NRXN2: variants seen among roughly 807,000 people sequenced by gnomAD.
NRXN2 encodes the protein neurexin 2, also known as neurexin-2-beta.
Under a neutral mutation model 128.8 loss-of-function variants are expected in NRXN2, and 29 were observed. The observed-to-expected ratio is 0.23, with a 90% CI of 0.17 to 0.31. The LOEUF is 0.31. Among genes scored for constraint, NRXN2 ranks in the 10% least tolerant of loss-of-function variants. NRXN2 has a pLI of 1.00. For synonymous variants in NRXN2, 1,098 were observed against 1,075.2 expected, an observed-to-expected ratio of 1.02 and a Z score of -0.41; for missense variants, 1,881 against 2,452.6, an observed-to-expected ratio of 0.77 and a Z score of 4.92.
intron 5 of NRXN2, chr11:64,688,609 G>A: frequency 1.0e-6 from 1 of 985,372 alleles, no homozygotes; most frequent in Non-Finnish European, 1.2e-6. Context: ...TGGCGCGACT[G>A]GGAACTACAA....
In NRXN2 at chr11:64,622,656, G is replaced by T; in HGVS notation, c.4173+97C>A. On this transcript the variant is annotated intron_variant, in intron 21 of 22. Transcript: ENST00000265459. This position sits in a 1 kb window ranked among gnomAD's most constrained non-coding sequence, Gnocchi z 4.3. Reference sequence around the variant, plus strand: ...CCTTCAGGATCCCAACAGACCCCTTGGACCCTCACTCTAGGCACCACTACT... The same window carrying T: ...CCTTCAGGATCCCAACAGACCCCTTTGACCCTCACTCTAGGCACCACTACT... The T allele has an allele frequency of 6.7e-7, 1 of 1,502,276 alleles. No homozygotes were observed. The highest frequency in any genetic ancestry group is 9.0e-7 in the Non-Finnish European group (1 of 1,113,308). The allele number at this position is 1,502,276 out of a possible 1,614,324, so 93.1% of individuals were successfully genotyped here.
chr11:64,720,068 A>G (rs2057395539), intron 1 of NRXN2, among the ~76,000 whole-genome samples: 1 of 152,194 alleles, frequency 6.6e-6, no homozygotes, highest in Non-Finnish European at 1.5e-5. Context: ...TCCTCATAAC[A>G]TCCCACTAGG....
At chr11:64,705,683 C>T (rs953139231) in intron 2 of NRXN2, among the ~76,000 whole-genome samples, 1 of 151,966 alleles carries the variant, frequency 6.6e-6, no homozygotes, top group African/African-American at 2.4e-5. Context: ...GTCTCACATT[C>T]CCAATCACCT....
In NRXN2 at chr11:64,713,023, T is replaced by G; in HGVS notation, c.677A>C (p.Glu226Ala). 1 of 1,478,270 alleles carries G rather than the reference T, an allele frequency of 6.8e-7. No individual in the cohort carries two copies. The highest frequency in any genetic ancestry group is 8.9e-7 in the Non-Finnish European group (1 of 1,118,092). 91.6% of individuals were successfully genotyped at this position (1,478,270 alleles called of 1,614,324 possible). A position where few individuals can be genotyped will look rare whatever the true frequency, so the allele number is the denominator to read the frequency against. Residue 226 changes from glutamate (E) to alanine (A), a missense_variant, in exon 2 of 23, where the codon GAG becomes GCG. By Grantham distance (107) the Glu-to-Ala change is moderately radical. Around this residue, in one of 7 missense-constraint regions of NRXN2, gnomAD observed 997 missense variants for 1,240.8 expected, o/e 0.80. Coordinates refer to ENST00000265459, the MANE Select transcript of NRXN2 (RefSeq NM_015080.4). ...CGTGTGGCTGCAGTCGCAGCCCACC[T>G]CGCCGGGGGCCAGCACGGTGCAGAG... ...GGLCTVLAPG[E>A]VGCDCSHTGF...
intron 21 of NRXN2, 92 bp from the exon 22 acceptor site, chr11:64,620,464 G>C: frequency 1.0e-6 from 1 of 962,112 alleles, no homozygotes; most frequent in Non-Finnish European, 1.6e-6. Context: ...TGGCACGGGG[G>C]ATGCCCCTGG....
chr11:64,701,141 C>G (rs1480509248), intron 2 of NRXN2, among the ~76,000 whole-genome samples: 1 of 152,204 alleles, frequency 6.6e-6, no homozygotes, highest in Non-Finnish European at 1.5e-5. Context: ...TACCGCCACT[C>G]TTTTCACCCT....
At chr11:64,616,668 T>C (rs1334291045) in intron 22 of NRXN2, among the ~76,000 whole-genome samples, 1 of 152,222 alleles carries the variant, frequency 6.6e-6, no homozygotes, top group African/African-American at 2.4e-5. Context: ...CCTGAGTGCC[T>C]GCAATATGCA....
At chr11:64,695,534 A>C (rs558467195) in intron 3 of NRXN2, among the ~76,000 whole-genome samples, 1 of 152,082 alleles carries the variant, frequency 6.6e-6, no homozygotes, top group Non-Finnish European at 1.5e-5. Context: ...AGCCACGTGG[A>C]ACCACCACCT....
At chr11:64,684,601 A>G (rs556958166) in intron 6 of NRXN2, among the ~76,000 whole-genome samples, 1 of 152,274 alleles carries the variant, frequency 6.6e-6, no homozygotes, top group African/African-American at 2.4e-5. Context: ...GAGAACAGGT[A>G]GGAAGAGTGG....
At chr11:64,672,952 T>C (rs890130419) in intron 7 of NRXN2, among the ~76,000 whole-genome samples, 2 of 152,154 alleles carry the variant, frequency 1.3e-5, no homozygotes, top group Non-Finnish European at 2.9e-5. Context: ...CATTCAGCCT[T>C]TATCCTTTTC....
intron 5 of NRXN2, chr11:64,688,431 G>GA (rs1196957505): frequency 9.8e-5 from 97 of 985,344 alleles, no homozygotes; most frequent in Non-Finnish European, 1.1e-4. Flanking sequence ...AGGAGAGAGA[G>GA]AGAGAACCTG....
chr11:64,657,948 C>T (rs576711004), intron 11 of NRXN2, among the ~76,000 whole-genome samples: 11 of 152,338 alleles, frequency 7.2e-5, no homozygotes, highest in Admixed American at 6.5e-4. Flanking sequence ...CTATTCTTAA[C>T]ATGATGTGTC....
chr11:64,633,321 G>A (rs1046802174), intron 18 of NRXN2, among the ~76,000 whole-genome samples: 3 of 152,148 alleles, frequency 2.0e-5, no homozygotes, highest in African/African-American at 4.8e-5. Context: ...AGAGATGGTC[G>A]GGATACTAGC....
chr11:64,702,002 G>T (rs1423663765), intron 2 of NRXN2, among the ~76,000 whole-genome samples: 2 of 136,710 alleles, frequency 1.5e-5, no homozygotes, highest in South Asian at 4.6e-4. Context: ...GGAGGGAGGT[G>T]GGGGGGGTCA....
At chr11:64,649,595 C>T (rs2135448915) in intron 15 of NRXN2, among the ~76,000 whole-genome samples, 1 of 152,260 alleles carries the variant, frequency 6.6e-6, no homozygotes, top group East Asian at 1.9e-4. Context: ...TGACACATCG[C>T]CCCCTTCTGA....
At chr11:64,656,447 C>A (rs2048305495) in intron 11 of NRXN2, among the ~76,000 whole-genome samples, 1 of 152,166 alleles carries the variant, frequency 6.6e-6, no homozygotes, top group African/African-American at 2.4e-5. Flanking sequence ...CAGGGTGACA[C>A]TAAGAAAGAA....
chr11:64,620,371 T>C lies in NRXN2; in HGVS notation c.4175A>G (p.Asn1392Ser), dbSNP rs1410288517. The stretch of plus-strand genomic sequence containing the variant: ...AGAGGCCACCAGCAGGTCATCTGTG[T>C]TCTGAGGGGCGAGAGAAGGGGTGGG... Reference protein sequence around the residue: ...SPTLRDSTTQNTDDLLVASAE... With the variant: ...SPTLRDSTTQSTDDLLVASAE... Residue 1392 changes from asparagine (N) to serine (S), a missense_variant and splice_region_variant, in exon 22 of 23, where the codon AAC becomes AGC. Around this residue, in one of 7 missense-constraint regions of NRXN2, gnomAD observed 108 missense variants for 165.2 expected, o/e 0.65. Transcript: ENST00000265459. 1.3e-6 allele frequency: 2 copies of C among 1,552,532 alleles called. No homozygotes were observed. Among genetic ancestry groups the C allele is most frequent in the Non-Finnish European group, 1.7e-6 (2 of 1,147,568 alleles).
At chr11:64,671,145 C>T (rs12280878) in intron 7 of NRXN2, among the ~76,000 whole-genome samples, 3,320 of 152,164 alleles carry the variant, frequency 0.022, 108 homozygotes, top group African/African-American at 0.073. Context: ...GCTCCCTACC[C>T]GGAAAGGGCT....
At chr11:64,618,431 C>T (rs2041849574) in intron 22 of NRXN2, among the ~76,000 whole-genome samples, 1 of 152,236 alleles carries the variant, frequency 6.6e-6, no homozygotes, top group Non-Finnish European at 1.5e-5. Flanking sequence ...CATGTGGTGC[C>T]ACTCAGTGCC....
Sources: gnomAD v4.1 joint callset for allele counts (sites outside exome capture counted in the v4.1 genomes callset) on GRCh38, gnomAD v4.1.1 for gene constraint, gnomAD v4.1.1 regional missense constraint, Gnocchi (gnomAD v3.1) non-coding constraint, MANE v1.5 for transcripts, NCBI Gene and HGNC (gene_info 2026-07-23, HGNC 2026-07-21) for gene names.